CTNNA2: variants seen among roughly 807,000 people sequenced by gnomAD.
CTNNA2 encodes catenin alpha 2, also known as catenin alpha-2.
A neutral mutation model predicts 101.0 loss-of-function variants in CTNNA2; 42 were observed. That is an observed-to-expected ratio of 0.42 (90% CI 0.32 to 0.54). The LOEUF is 0.54. Among genes scored for constraint, CTNNA2 ranks in the 20% least tolerant of loss-of-function variants. The pLI, the probability that CTNNA2 is intolerant of heterozygous loss-of-function variation, is 0.14. For missense variants in CTNNA2, 871 were observed against 1,223.1 expected, an observed-to-expected ratio of 0.71 and a Z score of 4.29; for synonymous variants, 450 against 456.4, an observed-to-expected ratio of 0.99 and a Z score of 0.18.
intron 1 of CTNNA2, among the ~76,000 whole-genome samples, chr2:79,588,486 T>G (rs537353800): frequency 1.3e-5 from 2 of 152,222 alleles, no homozygotes; most frequent in Non-Finnish European, 2.9e-5. Flanking sequence ...CATGAAAATA[T>G]CTCGAGTTCC....
intron 7 of CTNNA2, among the ~76,000 whole-genome samples, chr2:80,046,528 G>A (rs1268230558): frequency 6.6e-6 from 1 of 150,492 alleles, no homozygotes; most frequent in Non-Finnish European, 1.5e-5. Context: ...TGAGAGCTGT[G>A]GTGTTCAAAC....
At chr2:80,625,018 G>C (rs1403699501) in intron 18 of CTNNA2, among the ~76,000 whole-genome samples, 1 of 151,744 alleles carries the variant, frequency 6.6e-6, no homozygotes, top group African/African-American at 2.4e-5. Context: ...TTACCTCAAG[G>C]CCTATTCTTT....
At chr2:80,095,857 T>A (rs1700111789) in intron 7 of CTNNA2, among the ~76,000 whole-genome samples, 1 of 152,108 alleles carries the variant, frequency 6.6e-6, no homozygotes, top group Non-Finnish European at 1.5e-5. Flanking sequence ...ATATCCCCTT[T>A]ATCATTTTTT....
At chr2:80,290,658 C>A (rs1409046399) in intron 7 of CTNNA2, among the ~76,000 whole-genome samples, 1 of 151,906 alleles carries the variant, frequency 6.6e-6, no homozygotes, top group East Asian at 1.9e-4. Context: ...TGTTGTATAT[C>A]TTTTTATGTA....
chr2:80,505,807 G>A lies in CTNNA2; in HGVS notation c.1291-39175G>A, dbSNP rs527821885. Among the ~76,000 whole-genome samples the A allele has an allele frequency of 2.4e-4, 37 of 152,228 alleles. No homozygotes were observed. The South Asian group carries it at 7.5e-3, about 31-fold the overall frequency. ...TATACTTGGATATGAAAATTTCCAG[G>A]TGCTTGCTTTCTTTAGCTATTCTTG... On this transcript the variant is annotated intron_variant, in intron 9 of 18. Coordinates refer to ENST00000402739, the MANE Select transcript of CTNNA2 (RefSeq NM_001282597.3).
chr2:80,635,611 G>A lies in CTNNA2; in HGVS notation c.2575-11974G>A, dbSNP rs138142334. Reference sequence around the variant, plus strand: ...AGGAGAAATTATATTAGAGGTAGAAGTGATATTAATATACTCTTAATTGGA... The same window carrying A: ...AGGAGAAATTATATTAGAGGTAGAAATGATATTAATATACTCTTAATTGGA... On this transcript the variant is annotated intron_variant, in intron 18 of 18. Transcript: ENST00000402739. 5.5e-3 allele frequency among the ~76,000 whole-genome samples: 834 copies of A among 152,298 alleles called. 4 individuals carry two copies. Among genetic ancestry groups the A allele is most frequent in the Non-Finnish European group, 8.9e-3 (608 of 68,032 alleles).
At chr2:80,462,457 T>C (rs1433046640) in intron 9 of CTNNA2, among the ~76,000 whole-genome samples, 3 of 152,142 alleles carry the variant, frequency 2.0e-5, no homozygotes, top group Non-Finnish European at 4.4e-5. Flanking sequence ...AGCCTCTGTT[T>C]CTTGAGTTAT....
chr2:79,842,699 GGT>G (rs1679917088), intron 3 of CTNNA2, among the ~76,000 whole-genome samples: 1 of 151,362 alleles, frequency 6.6e-6, no homozygotes. Context: ...CGTAGTTTTG[GGT>G]GTGTGTTTTT....
At chr2:79,958,775 A>AT (rs5832424) in intron 7 of CTNNA2, among the ~76,000 whole-genome samples, 46,776 of 150,816 alleles carry the variant, frequency 0.31, 7,824 homozygotes, top group Non-Finnish European at 0.38. Flanking sequence ...CATTGATCTC[A>AT]TTTTTTTTTC....
At chr2:80,589,601 GTAT>G (rs1696260235) in intron 15 of CTNNA2, 116 bp downstream of exon 15, 2 of 941,154 alleles carry the variant, frequency 2.1e-6, no homozygotes, top group South Asian at 1.9e-5. Context: ...CAAGGTGGTG[GTAT>G]TATAAATTTA....
chr2:80,017,412 A>G (rs1314187555), intron 7 of CTNNA2, among the ~76,000 whole-genome samples: 1 of 151,998 alleles, frequency 6.6e-6, no homozygotes, highest in African/African-American at 2.4e-5. Context: ...ACATATAGAC[A>G]TATATACTGA....
intron 1 of CTNNA2, among the ~76,000 whole-genome samples, chr2:79,574,914 G>C (rs190495628): frequency 4.4e-4 from 67 of 152,108 alleles, no homozygotes; most frequent in Admixed American, 1.4e-3. Context: ...ATTCTGACTA[G>C]TGTGAGATGG....
chr2:79,531,351 A>T (rs1672732542), intron 1 of CTNNA2, among the ~76,000 whole-genome samples: 1 of 151,862 alleles, frequency 6.6e-6, no homozygotes, highest in Admixed American at 6.6e-5. Context: ...TAAGTTTTAA[A>T]TTCTTACTTT....
At chr2:80,572,221 C>G (rs1447584924) in intron 12 of CTNNA2, among the ~76,000 whole-genome samples, 1 of 152,120 alleles carries the variant, frequency 6.6e-6, no homozygotes, top group Admixed American at 6.5e-5. Context: ...AATTACATCT[C>G]ATTGTTTGCA....
At chr2:79,397,187 A>C (rs1448309002) in intron 4 of CTNNA2, among the ~76,000 whole-genome samples, 1 of 152,126 alleles carries the variant, frequency 6.6e-6, no homozygotes, top group African/African-American at 2.4e-5. Flanking sequence ...TGGAATATTT[A>C]TTGCCTCAAA....
In CTNNA2 at chr2:79,611,464, C is replaced by T. The variant is rs776995910; in HGVS notation, c.-5-40088C>T. On this transcript the variant is annotated intron_variant, in intron 1 of 18. Transcript: ENST00000402739. The stretch of plus-strand genomic sequence containing the variant: ...CAGTTCCCGCCTTCAAGGGGTCTCT[C>T]GACTAGGCACGAGGAAGGCATTAAA... 2.0e-5 allele frequency among the ~76,000 whole-genome samples: 3 copies of T among 152,204 alleles called. No individual in the cohort carries two copies. The East Asian group carries it at 5.8e-4, about 29-fold the overall frequency.
At chr2:79,512,528 G>C (rs1421707337), upstream of CTNNA2, among the ~76,000 whole-genome samples, 1 of 151,880 alleles carries the variant, frequency 6.6e-6, no homozygotes, top group Non-Finnish European at 1.5e-5. Context: ...GACCCCTGCT[G>C]GGCTGGCCCT....
chr2:80,231,571 G>A (rs1017968479), intron 7 of CTNNA2, among the ~76,000 whole-genome samples: 1 of 152,116 alleles, frequency 6.6e-6, no homozygotes, highest in African/African-American at 2.4e-5. Flanking sequence ...GGGAAGGAGG[G>A]GTCAGACATG....
intron 1 of CTNNA2, among the ~76,000 whole-genome samples, chr2:79,594,212 T>C (rs1677049030): frequency 1.3e-5 from 2 of 152,082 alleles, no homozygotes; most frequent in African/African-American, 2.4e-5. Flanking sequence ...TTTATTGTTA[T>C]GTGCTCAGTC....
Sources: allele counts gnomAD v4.1 joint callset (sites outside exome capture counted in the v4.1 genomes callset), GRCh38; gene constraint gnomAD v4.1.1; transcripts MANE v1.5; gene names NCBI Gene and HGNC (gene_info 2026-07-23, HGNC 2026-07-21).